MSRB2: variants seen among roughly 807,000 people sequenced by gnomAD.
MSRB2 encodes the protein methionine sulfoxide reductase B2.
In MSRB2, 17 loss-of-function variants were observed where a neutral mutation model predicts 19.0. The ratio of observed to expected loss-of-function variants is 0.89; its 90% CI spans 0.61 to 1.34. The LOEUF (loss-of-function observed/expected upper bound fraction) is 1.34. Ranked by LOEUF, MSRB2 falls within the 40% of genes most tolerant of loss-of-function variation. MSRB2 has a pLI of 0.00. For synonymous variants in MSRB2, 107 were observed against 99.7 expected (o/e 1.07, Z -0.44); for missense variants, 208 against 237.6 (o/e 0.88, Z 0.82).
intron 3 of MSRB2, among the ~76,000 whole-genome samples, chr10:23,113,561 T>C (rs1055585088): frequency 3.5e-4 from 53 of 152,326 alleles, no homozygotes; most frequent in African/African-American, 1.3e-3. Flanking sequence ...ATGGAAGTTG[T>C]TATGGGATGA....
At chr10:23,117,901 T>G (rs953663522) in intron 3 of MSRB2, among the ~76,000 whole-genome samples, 1 of 152,196 alleles carries the variant, frequency 6.6e-6, no homozygotes, top group Non-Finnish European at 1.5e-5. Context: ...AATTCGAAAC[T>G]TTTTGAGAAC....
chr10:23,095,749 CCCG>C lies in MSRB2; in HGVS notation c.118+32_118+34del, dbSNP rs777798382. On this transcript the variant is annotated intron_variant, in intron 1 of 4. Coordinates refer to ENST00000376510, the MANE Select transcript of MSRB2 (RefSeq NM_012228.4). Reference sequence around the variant, plus strand: ...CAGGTAGGACGCGGGTCCCGCAGGCCCCGCCGCCGCCTACGGCTTTCGGCTTCA... The same window carrying C: ...CAGGTAGGACGCGGGTCCCGCAGGCCCCGCCGCCTACGGCTTTCGGCTTCA... 23 of 1,222,084 alleles carry C rather than the reference CCCG, an allele frequency of 1.9e-5. No homozygotes were observed. The Admixed American group carries it at 2.1e-4, about 11-fold the overall frequency. 75.7% of individuals were successfully genotyped at this position (1,222,084 alleles called of 1,614,324 possible). A position where few individuals can be genotyped will look rare whatever the true frequency, so the allele number is the denominator to read the frequency against.
intron 2 of MSRB2, among the ~76,000 whole-genome samples, chr10:23,106,478 G>T (rs1839987553): frequency 6.6e-6 from 1 of 152,218 alleles, no homozygotes; most frequent in Admixed American, 6.5e-5. Context: ...CTACTCTCCA[G>T]ATCCACTCTC....
intron 1 of MSRB2, among the ~76,000 whole-genome samples, chr10:23,099,490 T>G (rs1429795475): frequency 6.6e-6 from 1 of 152,242 alleles, no homozygotes. Context: ...CTTTCCATAT[T>G]GTACTTAGAT....
intron 1 of MSRB2, among the ~76,000 whole-genome samples, chr10:23,101,908 C>T (rs1015561517): frequency 3.3e-5 from 5 of 152,102 alleles, no homozygotes; most frequent in African/African-American, 1.2e-4. Context: ...ATCCGGATCC[C>T]CCTGGTAATC....
intron 3 of MSRB2, among the ~76,000 whole-genome samples, chr10:23,110,624 GTT>G (rs11292798): frequency 2.2e-4 from 33 of 147,932 alleles, no homozygotes; most frequent in East Asian, 4.1e-4. Flanking sequence ...AGCTATTAGA[GTT>G]TTTTTTTTTT....
chr10:23,119,386 A>G lies in MSRB2; in HGVS notation c.379A>G (p.Thr127Ala). 2 of 1,614,138 alleles carry G rather than the reference A, an allele frequency of 1.2e-6. No homozygotes were observed. Among genetic ancestry groups the G allele is most frequent in the Non-Finnish European group, 1.7e-6 (2 of 1,180,010 alleles). ...HGTSGSDESHTGILRRLDTSL... is the reference protein window; with the variant it reads ...HGTSGSDESHAGILRRLDTSL... ...TACGTCTGGCTCTGATGAAAGCCAC[A>G]CAGGGATCCTGAGACGTCTGGATAC... Residue 127 changes from threonine (T) to alanine (A), a missense_variant, in exon 4 of 5, where the codon ACA becomes GCA. Transcript: ENST00000376510.
intron 3 of MSRB2, among the ~76,000 whole-genome samples, chr10:23,114,007 A>T (rs1368031591): frequency 1.3e-5 from 2 of 152,204 alleles, no homozygotes; most frequent in African/African-American, 4.8e-5. Flanking sequence ...TTGATTAATA[A>T]TATCCATCCT....
intron 1 of MSRB2, among the ~76,000 whole-genome samples, chr10:23,100,622 G>T (rs1403908564): frequency 2.0e-5 from 3 of 152,152 alleles, no homozygotes; most frequent in Admixed American, 2.0e-4. Flanking sequence ...AGAGCAGGAG[G>T]AAGAGAGAGA....
rs1484781065 is a variant in MSRB2, at chr10:23,118,936, G to A, written c.297-368G>A. 16 of 422,158 alleles carry A rather than the reference G, an allele frequency of 3.8e-5. No individual in the cohort carries two copies. In the East Asian group the frequency reaches 4.2e-4, roughly 11 times the overall value. The allele number at this position is 422,158 out of a possible 1,614,324, so 26.2% of individuals were successfully genotyped here. On this transcript the variant is annotated intron_variant, in intron 3 of 4. Transcript: ENST00000376510. ...CTCTAAGATGATGATGACTTCCTCC[G>A]AGCATTAGTATTTCGTTTTGATTTC...
In MSRB2 at chr10:23,110,283, G is replaced by A. The variant is rs761111249; in HGVS notation, c.261G>A (p.Met87Ile). 2 of 1,614,022 alleles carry A rather than the reference G, an allele frequency of 1.2e-6. No homozygotes were observed. Among genetic ancestry groups the A allele is most frequent in the Non-Finnish European group, 1.7e-6 (2 of 1,179,958 alleles). The change falls in exon 3 of 5, where the codon ATG becomes ATA. Residue 87 changes from methionine to isoleucine, a missense_variant. Met to Ile is a conservative substitution (Grantham distance 10). Coordinates refer to ENST00000376510, the MANE Select transcript of MSRB2 (RefSeq NM_012228.4). ...ACCTGAATAACAAGGAAGCAGGAAT[G>A]TATCATTGCGTGTGCTGCGACAGTC... Reference protein sequence around the residue: ...GIYLNNKEAGMYHCVCCDSPL... With the variant: ...GIYLNNKEAGIYHCVCCDSPL...
intron 2 of MSRB2, among the ~76,000 whole-genome samples, chr10:23,105,640 T>C (rs1478632877): frequency 6.6e-6 from 1 of 152,162 alleles, no homozygotes; most frequent in Non-Finnish European, 1.5e-5. Context: ...GAATTGAACT[T>C]TGTTATTAGA....
intron 3 of MSRB2, among the ~76,000 whole-genome samples, chr10:23,111,684 G>A (rs1020800177): frequency 3.3e-5 from 5 of 152,198 alleles, no homozygotes; most frequent in African/African-American, 1.2e-4. Flanking sequence ...AACTTCCTGT[G>A]GTGATGGAGA....
At chr10:23,106,036 A>G (rs895906694) in intron 2 of MSRB2, among the ~76,000 whole-genome samples, 3 of 152,210 alleles carry the variant, frequency 2.0e-5, no homozygotes, top group Admixed American at 2.0e-4. Flanking sequence ...GTACAGAGCC[A>G]GGCAGGGCTT....
In MSRB2 at chr10:23,121,178, T is replaced by C. The variant is rs753499465; in HGVS notation, c.*316T>C. The C allele has an allele frequency of 7.4e-6, 2 of 270,860 alleles. No individual in the cohort carries two copies. The highest frequency in any genetic ancestry group is 2.2e-5 in the African/African-American group (1 of 44,920). The allele number at this position is 270,860 out of a possible 1,614,324, so 16.8% of individuals were successfully genotyped here. A position where few individuals can be genotyped will look rare whatever the true frequency, so the allele number is the denominator to read the frequency against. ...TGAGTAACTTATAAAGAAAAGAGGT[T>C]TAATTGACTCACAGTTCTGCAGGGT... On this transcript the variant is annotated 3_prime_UTR_variant, in exon 5 of 5. Transcript: ENST00000376510.
chr10:23,120,419 AC>A (rs1341728764), intron 4 of MSRB2, among the ~76,000 whole-genome samples: 1 of 152,232 alleles, frequency 6.6e-6, no homozygotes, highest in Non-Finnish European at 1.5e-5. Context: ...TTCAGTACTT[AC>A]CCAGGAATTA....
intron 1 of MSRB2, among the ~76,000 whole-genome samples, chr10:23,099,739 T>G (rs74121745): frequency 4.6e-5 from 7 of 152,188 alleles, no homozygotes; most frequent in African/African-American, 1.7e-4. Flanking sequence ...CTTAAAAAAA[T>G]TAGGGCAGAG....
chr10:23,110,949 A>G (rs578262586), intron 3 of MSRB2, among the ~76,000 whole-genome samples: 2 of 152,296 alleles, frequency 1.3e-5, no homozygotes, highest in East Asian at 3.9e-4. Flanking sequence ...ATGGAGAAGA[A>G]AGGAAAACAT....
At chr10:23,103,490 C>T (rs906236615) in intron 1 of MSRB2, among the ~76,000 whole-genome samples, 4 of 151,956 alleles carry the variant, frequency 2.6e-5, no homozygotes, top group African/African-American at 9.7e-5. Flanking sequence ...TTTACACTCA[C>T]GTGAATAAAT....
Sources: gnomAD v4.1 joint callset for allele counts (sites outside exome capture counted in the v4.1 genomes callset) on GRCh38, gnomAD v4.1.1 for gene constraint, MANE v1.5 for transcripts, NCBI Gene and HGNC (gene_info 2026-07-23, HGNC 2026-07-21) for gene names.